TAF1: variants seen among roughly 807,000 people sequenced by gnomAD.
TAF1 encodes the protein transcription initiation factor TFIID subunit 1.
Under a neutral mutation model 138.5 loss-of-function variants are expected in TAF1, and 2 were observed. The ratio of observed to expected loss-of-function variants is 0.01; its 90% confidence interval spans 0.01 to 0.05. The LOEUF (loss-of-function observed/expected upper bound fraction) is 0.05. Among genes scored for constraint, TAF1 ranks in the 10% least tolerant of loss-of-function variants. The probability of loss-of-function intolerance (pLI) is 1.00; values close to 1 mark genes in which losing one functional copy is unlikely to be tolerated. For missense variants in TAF1, 709 were observed against 1,478.0 expected, an observed-to-expected ratio of 0.48 and a Z score of 8.53; for synonymous variants, 437 against 503.2, an observed-to-expected ratio of 0.87 and a Z score of 1.76.
chrX:71,375,137 T>C, intron 3 of TAF1, 30 bp from the exon 4 acceptor site: 1 of 1,201,988 alleles, frequency 8.3e-7, no homozygotes, highest in South Asian at 1.8e-5. Context: ...ATTTTGGATA[T>C]TGAGGAGATC....
chrX:71,505,785 CCGA>C (rs1335947328), intron 13 of TAF1, among the ~76,000 whole-genome samples: 3 of 111,532 alleles, frequency 2.7e-5, no homozygotes, highest in African/African-American at 9.8e-5. Flanking sequence ...CTTTGGGAGG[CCGA>C]GGCAGGTGGA....
chrX:71,490,380 TAGAC>T (rs1169830329), intron 13 of TAF1, among the ~76,000 whole-genome samples: 5 of 111,738 alleles, frequency 4.5e-5, no homozygotes, highest in African/African-American at 1.6e-4. Context: ...GGAAATGAAA[TAGAC>T]AGGTGACTAT....
At chrX:71,507,168 T>C (rs1310804009) in intron 13 of TAF1, among the ~76,000 whole-genome samples, 1 of 111,819 alleles carries the variant, frequency 8.9e-6, no homozygotes, top group Non-Finnish European at 1.9e-5. Flanking sequence ...TACAACTTCA[T>C]GAATATACTA....
chrX:71,489,078 A>C (rs1484048431), intron 13 of TAF1, among the ~76,000 whole-genome samples: 2 of 109,081 alleles, frequency 1.8e-5, no homozygotes, highest in Non-Finnish European at 1.9e-5. Flanking sequence ...AAAAAAAAAA[A>C]AAACACACAC....
intron 4 of TAF1, 95 bp from the exon 5 acceptor site, chrX:71,376,855 T>A: frequency 1.8e-6 from 2 of 1,121,033 alleles, no homozygotes; most frequent in East Asian, 6.0e-5. Context: ...TCTCCTGGCA[T>A]TGAGCCATGT....
intron 28 of TAF1, among the ~76,000 whole-genome samples, chrX:71,417,804 T>A (rs2036104001): frequency 8.9e-6 from 1 of 111,783 alleles, no homozygotes; most frequent in African/African-American, 3.3e-5. Flanking sequence ...AGCATCTGTA[T>A]CTCATATGCA....
intron 13 of TAF1, among the ~76,000 whole-genome samples, chrX:71,502,979 A>G (rs924243894): frequency 3.8e-5 from 4 of 106,564 alleles, no homozygotes; most frequent in Non-Finnish European, 7.7e-5. Context: ...AAAACAAACA[A>G]ACAAAAAACC....
rs138575892 is a variant in TAF1 at position 71,424,976 on chromosome X, A to T, written c.4753+738A>T. Among the ~76,000 whole-genome samples the T allele has an allele frequency of 4.8e-3, 532 of 111,803 alleles. 2 individuals carry two copies. The highest frequency in any genetic ancestry group is 0.021 in the South Asian group (58 of 2,698). The stretch of plus-strand genomic sequence containing the variant: ...ATTTTAGTGTGTATGTTCTATAAAG[A>T]TTGCTATTAGCCGTTAATGATGAAA... On this transcript the variant is annotated intron_variant, in intron 32 of 37. Coordinates refer to ENST00000423759, the MANE Select transcript of TAF1 (RefSeq NM_004606.5).
At chrX:71,371,236 C>T (rs2033035465) in intron 3 of TAF1, among the ~76,000 whole-genome samples, 1 of 111,762 alleles carries the variant, frequency 8.9e-6, no homozygotes, top group East Asian at 2.8e-4. Context: ...TCTAAGTTCT[C>T]TTGTCCTCTA....
At chrX:71,420,526 T>C (rs879131585) in intron 28 of TAF1, 1 of 1,205,488 alleles carries the variant, frequency 8.3e-7, no homozygotes, top group Middle Eastern at 3.1e-4. Context: ...ACATGATCAC[T>C]GGGCCAGCAT....
intron 13 of TAF1, among the ~76,000 whole-genome samples, chrX:71,515,928 CAA>C (rs749620373): frequency 9.1e-5 from 10 of 110,384 alleles, no homozygotes; most frequent in African/African-American, 3.3e-4. Flanking sequence ...TCTTCAGTCA[CAA>C]AAAGACAAAT....
chrX:71,382,508 A>G (rs1174856812), intron 9 of TAF1, 28 bp from the exon 10 acceptor site: 9 of 1,199,372 alleles, frequency 7.5e-6, no homozygotes, highest in Non-Finnish European at 7.9e-6. Context: ...AGGGAGAGCA[A>G]CTCAAGTGAT....
Position 71,464,014 on chromosome X carries a change from G to C in TAF1, c.5590G>C (p.Ala1864Pro). 1 of 1,196,378 alleles carries C rather than the reference G, an allele frequency of 8.4e-7. No individual in the cohort carries two copies. ...GGACAGTGAGGATTTCCACTCCATT[G>C]CTGGGGACAGTGACTTGGACTCTGA... ...EEDSEDFHSIAGDSDLDSDE is the reference protein window; with the variant it reads ...EEDSEDFHSIPGDSDLDSDE Residue 1864 changes from alanine (A) to proline (P), a missense_variant, in exon 38 of 38, where the codon GCT becomes CCT. Around this residue, in one of 14 missense-constraint regions of TAF1, gnomAD observed 123 missense variants for 174.7 expected, o/e 0.70. Transcript: ENST00000423759.
chrX:71,388,921 T>G, intron 17 of TAF1, 53 bp downstream of exon 17: 1 of 1,150,262 alleles, frequency 8.7e-7, no homozygotes, highest in East Asian at 3.0e-5. Context: ...TTGTTTTTTT[T>G]TTTCTTCCCC....
chrX:71,461,433 G>A (rs927458339), intron 37 of TAF1, among the ~76,000 whole-genome samples: 3 of 111,252 alleles, frequency 2.7e-5, no homozygotes, highest in Non-Finnish European at 3.8e-5. Context: ...TATAACTTAG[G>A]ACAATGTGGG....
chrX:71,500,004 C>T (rs2039468652), intron 13 of TAF1, among the ~76,000 whole-genome samples: 1 of 110,889 alleles, frequency 9.0e-6, no homozygotes, highest in African/African-American at 3.3e-5. Flanking sequence ...GGCAAAATTC[C>T]CCTCCTCCTA....
At chrX:71,392,417 G>A (rs2034616176) in intron 18 of TAF1, 152 bp from the exon 19 acceptor site, 2 of 670,601 alleles carry the variant, frequency 3.0e-6, no homozygotes, top group Non-Finnish European at 4.1e-6. Context: ...GTTGATTTTT[G>A]TGGACAGTTT....
Position 71,392,600 on chromosome X carries a change from C to T in TAF1, c.2813C>T (p.Ala938Val). The change falls in exon 19 of 38, where the codon GCC becomes GTC. Residue 938 changes from alanine (A) to valine (V), a missense_variant. Ala to Val is a moderately conservative substitution (Grantham distance 64). Coordinates refer to ENST00000423759, the MANE Select transcript of TAF1 (RefSeq NM_004606.5). Reference protein sequence around the residue: ...VRTAPWNTTRAFIAAMKGKCL... With the variant: ...VRTAPWNTTRVFIAAMKGKCL... ...ACTGCCCCTTGGAACACCACAAGGG[C>T]CTTCATTGCTGCCATGAAGGGCAAG... 8.3e-7 allele frequency: 1 copy of T among 1,201,668 alleles called. No individual in the cohort carries two copies. Among genetic ancestry groups the T allele is most frequent in the Non-Finnish European group, 1.1e-6 (1 of 892,104 alleles).
intron 13 of TAF1, among the ~76,000 whole-genome samples, chrX:71,480,148 C>T (rs1326881910): frequency 9.0e-6 from 1 of 111,423 alleles, no homozygotes; most frequent in African/African-American, 3.3e-5. Context: ...TCACTTGAGC[C>T]CAGGAGTTTG....
Sources: gnomAD v4.1 joint callset for allele counts (sites outside exome capture counted in the v4.1 genomes callset) on GRCh38, gnomAD v4.1.1 for gene constraint, gnomAD v4.1.1 regional missense constraint, MANE v1.5 for transcripts, NCBI Gene and HGNC (gene_info 2026-07-23, HGNC 2026-07-21) for gene names.